Variants in TC2N observed in about 807,000 individuals in gnomAD.
TC2N encodes the protein tandem C2 domains nuclear protein.
In TC2N, 51 loss-of-function variants were observed where a neutral mutation model predicts 61.9. That is an observed-to-expected ratio of 0.82 (90% confidence interval 0.66 to 1.04). The LOEUF is 1.04. TC2N is among the 50% of genes least tolerant of loss of function. The pLI, the probability that TC2N is intolerant of heterozygous loss-of-function variation, is 0.00. For synonymous variants in TC2N, 204 were observed against 192.6 expected, an observed-to-expected ratio of 1.06 and a Z score of -0.49; for missense variants, 556 against 566.7, an observed-to-expected ratio of 0.98 and a Z score of 0.19.
chr14:91,792,963 T>C (rs978144539), intron 8 of TC2N, among the ~76,000 whole-genome samples: 2 of 152,200 alleles, frequency 1.3e-5, no homozygotes, highest in African/African-American at 4.8e-5. Context: ...AGTATCTAAC[T>C]TGTTCACATA....
chr14:91,816,301 C>A (rs184869393), intron 1 of TC2N, among the ~76,000 whole-genome samples: 153 of 151,894 alleles, frequency 1.0e-3, no homozygotes, highest in African/African-American at 3.2e-3. Context: ...ATGCTTAATA[C>A]CATGGACTTT....
Position 91,786,363 on chromosome 14 carries a change from T to C in TC2N, c.1163-1002A>G, listed in dbSNP as rs571535811. On this transcript the variant is annotated intron_variant, in intron 10 of 11. Coordinates refer to ENST00000435962, the MANE Select transcript of TC2N (RefSeq NM_001128596.3). ...CTTTTTGTGTGTGCTATCCATTCTGTTTTAGTATCAAGAATATGCTGACCT... is the reference window on the plus strand; with the variant it reads ...CTTTTTGTGTGTGCTATCCATTCTGCTTTAGTATCAAGAATATGCTGACCT... Among the ~76,000 whole-genome samples, 30 of 152,348 alleles carry C rather than the reference T, an allele frequency of 2.0e-4. No homozygotes were observed. In the South Asian group the frequency reaches 6.0e-3, roughly 30 times the overall value.
intron 1 of TC2N, among the ~76,000 whole-genome samples, chr14:91,832,202 A>G (rs1475349519): frequency 6.6e-6 from 1 of 152,148 alleles, no homozygotes; most frequent in Non-Finnish European, 1.5e-5. Context: ...CAGCCTGGCC[A>G]ACATGGTAAA....
intron 1 of TC2N, among the ~76,000 whole-genome samples, chr14:91,832,217 C>T (rs1566783891): frequency 6.6e-6 from 1 of 151,822 alleles, no homozygotes; most frequent in Non-Finnish European, 1.5e-5. Flanking sequence ...GGTAAAAACC[C>T]GTCTCTACTA....
At chr14:91,864,443 C>T (rs1329385589) in intron 1 of TC2N, among the ~76,000 whole-genome samples, 1 of 152,164 alleles carries the variant, frequency 6.6e-6, no homozygotes, top group African/African-American at 2.4e-5. Context: ...AATCCACACT[C>T]GCTTTAGGGA....
At chr14:91,843,884 T>G (rs1888212001) in intron 1 of TC2N, among the ~76,000 whole-genome samples, 1 of 127,210 alleles carries the variant, frequency 7.9e-6, no homozygotes, top group Admixed American at 7.1e-5. Flanking sequence ...ATAATCCTAT[T>G]TTTTTTCAGA....
At chr14:91,850,156 G>T (rs1888346205) in intron 1 of TC2N, among the ~76,000 whole-genome samples, 1 of 146,826 alleles carries the variant, frequency 6.8e-6, no homozygotes, top group Non-Finnish European at 1.5e-5. Flanking sequence ...CAGTGCAAGA[G>T]CCTCCCTGAG....
intron 3 of TC2N, among the ~76,000 whole-genome samples, chr14:91,811,338 A>ACATACAG (rs1337257078): frequency 3.3e-5 from 5 of 152,222 alleles, no homozygotes; most frequent in African/African-American, 1.2e-4. Context: ...TATGTGGTGG[A>ACATACAG]CATACAGGTC....
At chr14:91,791,176 A>AGGGAAGGGAAGGGAAAGGAGG (rs1885628936) in intron 9 of TC2N, among the ~76,000 whole-genome samples, 1 of 66,854 alleles carries the variant, frequency 1.5e-5, no homozygotes, top group Non-Finnish European at 2.7e-5. Flanking sequence ...GGGAAGGGAA[A>AGGGAAGGGAAGGGAAAGGAGG]GGAGGGGAGG....
chr14:91,860,192 T>G (rs1888562314), intron 1 of TC2N, among the ~76,000 whole-genome samples: 1 of 151,990 alleles, frequency 6.6e-6, no homozygotes, highest in Admixed American at 6.6e-5. Flanking sequence ...CTTCCCTAAT[T>G]AAAAATCAAA....
Position 91,781,092 on chromosome 14 carries a change from A to C in TC2N, c.*2008T>G, listed in dbSNP as rs1885102015. 1 of 152,158 alleles carries C rather than the reference A, an allele frequency of 6.6e-6. No individual in the cohort carries two copies. The highest frequency in any genetic ancestry group is 2.4e-5 in the African/African-American group (1 of 41,456). 9.4% of individuals were successfully genotyped at this position (152,158 alleles called of 1,614,324 possible). A position where few individuals can be genotyped will look rare whatever the true frequency, so the allele number is the denominator to read the frequency against. ...GAAAATTAAATAAATCAAATAATTA[A>C]ATATTAAGTTAAATGCATGACTACA... On this transcript the variant is annotated 3_prime_UTR_variant, in exon 12 of 12. Transcript: ENST00000435962.
intron 1 of TC2N, among the ~76,000 whole-genome samples, chr14:91,856,772 T>C (rs1888492340): frequency 6.6e-6 from 1 of 152,174 alleles, no homozygotes; most frequent in African/African-American, 2.4e-5. Context: ...GCTTATTCTA[T>C]CTAAACTCTC....
rs1346088430 is a variant in TC2N, at chr14:91,780,004, C to T, written c.*3096G>A. ...AAATGAACATGGTACTTCATATGGGCCCACTTTTCATAATTCTTTCAACTC... is the reference window on the plus strand; with the variant it reads ...AAATGAACATGGTACTTCATATGGGTCCACTTTTCATAATTCTTTCAACTC... On this transcript the variant is annotated 3_prime_UTR_variant, in exon 12 of 12. Coordinates refer to ENST00000435962, the MANE Select transcript of TC2N (RefSeq NM_001128596.3). The T allele has an allele frequency of 6.6e-6, 1 of 151,976 alleles. No individual in the cohort carries two copies. Among genetic ancestry groups the T allele is most frequent in the Non-Finnish European group, 1.5e-5 (1 of 67,986 alleles). 9.4% of individuals were successfully genotyped at this position (151,976 alleles called of 1,614,324 possible). A position where few individuals can be genotyped will look rare whatever the true frequency, so the allele number is the denominator to read the frequency against.
At chr14:91,845,937 T>G (rs1888261610) in intron 1 of TC2N, among the ~76,000 whole-genome samples, 1 of 152,214 alleles carries the variant, frequency 6.6e-6, no homozygotes, top group Non-Finnish European at 1.5e-5. Flanking sequence ...GGAATCTGAT[T>G]TGCTCAGCTC....
chr14:91,785,438 TGGAATA>T, intron 10 of TC2N, 77 bp from the exon 11 acceptor site: 2 of 993,088 alleles, frequency 2.0e-6, no homozygotes, highest in Non-Finnish European at 3.1e-6. Flanking sequence ...ACATCCAAGT[TGGAATA>T]TATATATATA....
At chr14:91,814,183 G>A (rs1372231577) in intron 1 of TC2N, among the ~76,000 whole-genome samples, 7 of 149,928 alleles carry the variant, frequency 4.7e-5, no homozygotes, top group Non-Finnish European at 8.9e-5. Context: ...GGGACAGTGT[G>A]GAAAAAGAAG....
chr14:91,832,510 T>C (rs1429930829), intron 1 of TC2N, among the ~76,000 whole-genome samples: 2 of 151,820 alleles, frequency 1.3e-5, no homozygotes, highest in African/African-American at 2.4e-5. Context: ...ATTAAGGAAA[T>C]TTAAATTAAA....
At chr14:91,791,392 T>C (rs181666706) in intron 9 of TC2N, among the ~76,000 whole-genome samples, 1 of 152,310 alleles carries the variant, frequency 6.6e-6, no homozygotes, top group East Asian at 1.9e-4. Context: ...AGGTAAAATA[T>C]AAATCCCATA....
chr14:91,813,571 T>C, intron 2 of TC2N, 132 bp downstream of exon 2: 2 of 620,820 alleles, frequency 3.2e-6, no homozygotes, highest in Non-Finnish European at 5.8e-6. Context: ...AGTTATGGAA[T>C]ATTTACTTAG....
Sources: allele counts gnomAD v4.1 joint callset (sites outside exome capture counted in the v4.1 genomes callset), GRCh38; gene constraint gnomAD v4.1.1; transcripts MANE v1.5; gene names NCBI Gene and HGNC (gene_info 2026-07-23, HGNC 2026-07-21).